NCOR2: variants seen among roughly 807,000 people sequenced by gnomAD.
The protein encoded by NCOR2 is CTG repeat protein 26.
NCOR2 carries 81 observed loss-of-function variants against 262.9 expected under a neutral mutation model. The ratio of observed to expected loss-of-function variants is 0.31; its 90% CI spans 0.26 to 0.37. The LOEUF (loss-of-function observed/expected upper bound fraction) is 0.37. Among genes scored for constraint, NCOR2 ranks in the 10% least tolerant of loss-of-function variants. NCOR2 has a pLI of 1.00. For synonymous variants in NCOR2, 1,659 were observed against 1,559.3 expected, an observed-to-expected ratio of 1.06 and a Z score of -1.51; for missense variants, 3,385 against 3,621.4, an observed-to-expected ratio of 0.93 and a Z score of 1.68.
chr12:124,341,289 G>A (rs1265455085), intron 34 of NCOR2, among the ~76,000 whole-genome samples: 2 of 151,848 alleles, frequency 1.3e-5, no homozygotes, highest in East Asian at 1.9e-4. Context: ...GCCCAGGCTG[G>A]AGTGCAATGG....
intron 28 of NCOR2, among the ~76,000 whole-genome samples, chr12:124,349,128 G>A (rs2037203668): frequency 2.0e-5 from 3 of 152,336 alleles, no homozygotes; most frequent in Non-Finnish European, 4.4e-5. Flanking sequence ...GTGGTGAGGG[G>A]TGGCAGGGGT....
intron 4 of NCOR2, among the ~76,000 whole-genome samples, chr12:124,466,669 T>C (rs1593670333): frequency 6.6e-6 from 1 of 152,032 alleles, no homozygotes; most frequent in South Asian, 2.1e-4. Flanking sequence ...TCAGGCCTGC[T>C]GCGAGCCGGC....
At chr12:124,427,030 C>A (rs1038968507) in intron 10 of NCOR2, among the ~76,000 whole-genome samples, 8 of 152,220 alleles carry the variant, frequency 5.3e-5, no homozygotes, top group Admixed American at 4.6e-4. Context: ...ACTGTAGATT[C>A]AATGCAGAGA....
At chr12:124,559,802 T>C (rs1163982872) in intron 1 of NCOR2, among the ~76,000 whole-genome samples, 1 of 152,176 alleles carries the variant, frequency 6.6e-6, no homozygotes, top group Non-Finnish European at 1.5e-5. Context: ...GGCTCTGAGC[T>C]TCCTAGTAGC....
intron 8 of NCOR2, among the ~76,000 whole-genome samples, chr12:124,431,623 A>C (rs548080820): frequency 7.2e-5 from 11 of 151,786 alleles, no homozygotes; most frequent in Admixed American, 7.2e-4. Context: ...ACAGTCAGAC[A>C]GATATACACA....
intron 1 of NCOR2, among the ~76,000 whole-genome samples, chr12:124,520,047 T>G (rs2050089456): frequency 6.6e-6 from 1 of 152,220 alleles, no homozygotes; most frequent in Non-Finnish European, 1.5e-5. Flanking sequence ...GCCACTGGAC[T>G]GGCAGGGGGC....
At chr12:124,544,281 G>A (rs2051473727) in intron 1 of NCOR2, among the ~76,000 whole-genome samples, 1 of 152,226 alleles carries the variant, frequency 6.6e-6, no homozygotes, top group Non-Finnish European at 1.5e-5. Flanking sequence ...GATAGGCAGA[G>A]CAAGTACCCC....
In NCOR2 at chr12:124,456,689, G is replaced by GACCC. The variant is rs2045878300; in HGVS notation, c.762+413_762+416dup. 3.3e-5 allele frequency among the ~76,000 whole-genome samples: 5 copies of GACCC among 152,222 alleles called. No individual in the cohort carries two copies. The South Asian group carries it at 1.0e-3, about 31-fold the overall frequency. ...AAACTGAAGCACAGGGAGGGTAACA[G>GACCC]ACCCGCTCAGGGTCACACCGCCATG... On this transcript the variant is annotated intron_variant, in intron 6 of 46. Coordinates refer to ENST00000405201, the Ensembl canonical transcript of NCOR2.
In NCOR2 at chr12:124,440,245, G is replaced by A. The variant is rs1294616888; in HGVS notation, c.816-2249C>T. Among the ~76,000 whole-genome samples the A allele has an allele frequency of 6.6e-6, 1 of 152,196 alleles. No individual in the cohort carries two copies. Among genetic ancestry groups the A allele is most frequent in the Non-Finnish European group, 1.5e-5 (1 of 68,042 alleles). ...TCCAAAGCTACTGACTGGGAGCCAC[G>A]CTATGTCCAGCCCCCGGGACCCCAG... On this transcript the variant is annotated intron_variant, in intron 7 of 46. Transcript: ENST00000405201. The surrounding 1 kb of genome is among the most constrained non-coding windows in gnomAD (Gnocchi z 5.7).
At chr12:124,506,541 C>G (rs140009274) in intron 1 of NCOR2, among the ~76,000 whole-genome samples, 52 of 151,550 alleles carry the variant, frequency 3.4e-4, no homozygotes, top group African/African-American at 1.2e-3. Context: ...CACAGCAGGA[C>G]GAACCCTCCC....
exon 32 of NCOR2, chr12:124,344,880 G>T (rs765064214): frequency 6.3e-7 from 1 of 1,581,738 alleles, no homozygotes; most frequent in Non-Finnish European, 8.6e-7. Context: ...CGGGGCTGCC[G>T]ATGAGGGAGC....
At chr12:124,535,406 G>C (rs571845085) in intron 1 of NCOR2, among the ~76,000 whole-genome samples, 159 bp downstream of exon 2, 3 of 152,168 alleles carry the variant, frequency 2.0e-5, no homozygotes, top group Non-Finnish European at 2.9e-5. Context: ...CCCTGCCCTG[G>C]ACAGCTCTGA....
intron 1 of NCOR2, among the ~76,000 whole-genome samples, chr12:124,532,286 A>G (rs960483299): frequency 1.3e-5 from 2 of 151,198 alleles, no homozygotes; most frequent in Admixed American, 6.6e-5. Flanking sequence ...CCTCTCCAGC[A>G]TGGAGGGTCC....
intron 23 of NCOR2, 122 bp from the exon 26 acceptor site, chr12:124,355,693 C>T: frequency 7.4e-7 from 1 of 1,356,636 alleles, no homozygotes; most frequent in East Asian, 2.7e-5. Flanking sequence ...TCCATGCGCA[C>T]TCCTCTATTG....
intron 27 of NCOR2, among the ~76,000 whole-genome samples, 158 bp from the exon 30 acceptor site, chr12:124,350,895 A>C (rs1421682167): frequency 6.6e-6 from 1 of 152,242 alleles, no homozygotes; most frequent in Non-Finnish European, 1.5e-5. Flanking sequence ...TGCATGGAAC[A>C]AAACCCTATG....
At chr12:124,419,119 G>A (rs1014037060) in intron 13 of NCOR2, among the ~76,000 whole-genome samples, 4 of 151,796 alleles carry the variant, frequency 2.6e-5, no homozygotes, top group Non-Finnish European at 4.4e-5. Context: ...CCCAAACACC[G>A]AGCGCCCAGG....
At chr12:124,434,719 G>A (rs978656325) in intron 8 of NCOR2, among the ~76,000 whole-genome samples, 3 of 152,206 alleles carry the variant, frequency 2.0e-5, no homozygotes, top group African/African-American at 7.2e-5. Context: ...GTCATTTTAG[G>A]TGAAAATGAG....
intron 8 of NCOR2, among the ~76,000 whole-genome samples, chr12:124,433,058 A>T (rs991023706): frequency 1.3e-5 from 2 of 152,076 alleles, no homozygotes; most frequent in African/African-American, 4.8e-5. Context: ...ACCCCACCCC[A>T]TATTTCAGCT....
At chr12:124,530,113 T>C (rs1351636473) in intron 1 of NCOR2, 1 of 152,162 alleles carries the variant, frequency 6.6e-6, no homozygotes. Flanking sequence ...CAGAATGAAA[T>C]ACTACTTAGC....
Sources: allele counts gnomAD v4.1 joint callset (sites outside exome capture counted in the v4.1 genomes callset), GRCh38; gene constraint gnomAD v4.1.1; non-coding constraint Gnocchi (gnomAD v3.1); transcripts MANE v1.5; gene names NCBI Gene and HGNC (gene_info 2026-07-23, HGNC 2026-07-21).